The following PDCD5 variants were observed in gnomAD, a reference collection of about 807,000 sequenced individuals.
PDCD5 encodes the protein programmed cell death 5, also known as programmed cell death protein 5.
PDCD5 carries 23 observed loss-of-function variants against 21.9 expected under a neutral mutation model. The observed-to-expected ratio is 1.05, with a 90% CI of 0.76 to 1.49. PDCD5 has a LOEUF of 1.49. Ranked by LOEUF, PDCD5 falls within the 40% of genes most tolerant of loss-of-function variation. The pLI is 0.00. For missense variants in PDCD5, 152 were observed against 147.7 expected (o/e 1.03, Z -0.15); for synonymous variants, 45 against 49.4 (o/e 0.91, Z 0.37).
rs1971483153 is a variant in PDCD5 at position 32,586,929 on chromosome 19, A to T, written c.330A>T (p.Lys110Asn). ...SQQTEKTTTV[K>N]FNRRKVMDSD... ...AAACAGAAAAGACAACAACAGTGAA[A>T]GTAAGTGTCCCCAGATGCTTGTGGC... is the stretch of plus-strand genomic sequence containing the variant. Residue 110 changes from lysine (K) to asparagine (N), a missense_variant and splice_region_variant, in exon 5 of 6, where the codon AAA (lysine) becomes AAT (asparagine). Transcript: ENST00000590247. The T allele has an allele frequency of 6.2e-7, 1 of 1,608,992 alleles. No homozygotes were observed.
At chr19:32,584,731 G>A (rs1261986462) in intron 2 of PDCD5, 1 of 542,314 alleles carries the variant, frequency 1.8e-6, no homozygotes, top group African/African-American at 1.9e-5. Flanking sequence ...TTCCAGCCTG[G>A]TAGGTTGTCA....
rs1298618616 is a variant in PDCD5 at position 32,587,436 on chromosome 19, A to C, written c.*136A>C. 7.2e-6 allele frequency: 4 copies of C among 557,812 alleles called. No individual in the cohort carries two copies. The highest frequency in any genetic ancestry group is 1.2e-5 in the Non-Finnish European group (4 of 326,602). The allele number at this position is 557,812 out of a possible 1,614,324, so 34.6% of individuals were successfully genotyped here. A position where few individuals can be genotyped will look rare whatever the true frequency, so the allele number is the denominator to read the frequency against. The stretch of plus-strand genomic sequence containing the variant: ...TTATGCAAAATAAAACATTTGGGTA[A>C]GTTGTTTTAGTATCATAGCCAAGTG... On this transcript the variant is annotated 3_prime_UTR_variant, in exon 6 of 6. Transcript: ENST00000590247.
intron 3 of PDCD5, 80 bp downstream of exon 3, chr19:32,585,091 C>A: frequency 2.0e-6 from 2 of 989,898 alleles, no homozygotes; most frequent in Non-Finnish European, 3.3e-6. Flanking sequence ...ATTGCTATCA[C>A]TAGATGAAAT....
chr19:32,582,167 C>G, intron 1 of PDCD5, 28 bp from the exon 2 acceptor site: 1 of 1,580,750 alleles, frequency 6.3e-7, no homozygotes, highest in Middle Eastern at 1.7e-4. Flanking sequence ...TGAAATTTCT[C>G]TATTAAATTT....
At chr19:32,583,727 C>T (rs575515935) in intron 2 of PDCD5, among the ~76,000 whole-genome samples, 3 of 151,892 alleles carry the variant, frequency 2.0e-5, no homozygotes, top group African/African-American at 7.3e-5. Context: ...CTCAGGAGGC[C>T]GAGGGGGAAG....
chr19:32,582,669 TTACCC>T (rs1244989480), intron 2 of PDCD5, among the ~76,000 whole-genome samples: 3 of 152,180 alleles, frequency 2.0e-5, no homozygotes, highest in Non-Finnish European at 4.4e-5. Context: ...GAGTATGTGA[TTACCC>T]TATCATGCTA....
At chr19:32,582,136 C>A in intron 1 of PDCD5, 59 bp from the exon 2 acceptor site, 2 of 1,217,394 alleles carry the variant, frequency 1.6e-6, no homozygotes, top group South Asian at 1.2e-5. Flanking sequence ...CAGAACCGTT[C>A]CTTTTTCCCG....
rs760538451 is a variant in PDCD5 at position 32,582,158 on chromosome 19, G to A, written c.67-37G>A. ...GTTCCTTTTTCCCGCCGCCTCCCGT[G>A]AAATTTCTCTATTAAATTTAAGTTT... On this transcript the variant is annotated intron_variant, in intron 1 of 5. Coordinates refer to ENST00000590247, the MANE Select transcript of PDCD5 (RefSeq NM_004708.4). 3 of 1,551,528 alleles carry A rather than the reference G, an allele frequency of 1.9e-6. No homozygotes were observed. In the African/African-American group the frequency reaches 4.1e-5, roughly 21 times the overall value.
chr19:32,581,797 C>G, intron 1 of PDCD5: 1 of 239,652 alleles, frequency 4.2e-6, no homozygotes. Flanking sequence ...GCCTGGGAAG[C>G]TTGGATGGAT....
Position 32,587,264 on chromosome 19 carries a change from A to G in PDCD5, c.342A>G (p.Arg114=). 2 of 1,605,956 alleles carry G rather than the reference A, an allele frequency of 1.2e-6. No individual in the cohort carries two copies. Among genetic ancestry groups the G allele is most frequent in the South Asian group, 1.1e-5 (1 of 90,728 alleles). The change falls in exon 6 of 6, where the codon AGA becomes AGG. Residue 114 remains arginine (R), a synonymous_variant. Coordinates refer to ENST00000590247, the MANE Select transcript of PDCD5 (RefSeq NM_004708.4). The part of the protein sequence containing the change: ...EKTTTVKFNR[R]KVMDSDEDDD... The stretch of plus-strand genomic sequence containing the variant: ...AATTTTCCTCCCAGTTCAACAGAAG[A>G]AAAGTAATGGACTCTGATGAAGATG...
chr19:32,583,491 C>T (rs1449839775), intron 2 of PDCD5, among the ~76,000 whole-genome samples: 1 of 151,418 alleles, frequency 6.6e-6, no homozygotes, highest in Non-Finnish European at 1.5e-5. Flanking sequence ...CTATATCACC[C>T]AGGCTGGTCT....
In PDCD5 at chr19:32,581,245, A is replaced by T. The variant is rs1447736305; in HGVS notation, c.-17A>T. On this transcript the variant is annotated 5_prime_UTR_variant, in exon 1 of 6. Transcript: ENST00000590247. ...CTGCGAGAGTGACCGCGGCTGCTCC[A>T]GCGCTGACGCCGAGCCATGGCGGAC... 2 of 1,499,404 alleles carry T rather than the reference A, an allele frequency of 1.3e-6. No homozygotes were observed. Among genetic ancestry groups the T allele is most frequent in the South Asian group, 1.3e-5 (1 of 79,418 alleles). The allele number at this position is 1,499,404 out of a possible 1,614,324, so 92.9% of individuals were successfully genotyped here.
intron 2 of PDCD5, among the ~76,000 whole-genome samples, chr19:32,583,135 A>G (rs1971444782): frequency 6.6e-6 from 1 of 152,120 alleles, no homozygotes. Flanking sequence ...GAGACCATTG[A>G]AAGTTAAATT....
At chr19:32,586,122 G>A in intron 4 of PDCD5, 2 of 1,511,152 alleles carry the variant, frequency 1.3e-6, no homozygotes, top group Non-Finnish European at 1.8e-6. Context: ...CTGGAACCTT[G>A]TTGGTGTCTG....
At chr19:32,585,793 G>A (rs758997471) in intron 3 of PDCD5, 23 bp from the exon 4 acceptor site, 1 of 1,319,264 alleles carries the variant, frequency 7.6e-7, no homozygotes. Flanking sequence ...TGGATTTTTT[G>A]CATATGTATT....
chr19:32,586,587 G>T, intron 4 of PDCD5: 1 of 1,189,822 alleles, frequency 8.4e-7, no homozygotes, highest in South Asian at 2.6e-5. Context: ...GATGATAAAG[G>T]TGTTCTTAAA....
rs773298790 is a variant in PDCD5, at chr19:32,585,042, T to G, written c.166+31T>G. The G allele has an allele frequency of 9.7e-5, 146 of 1,507,302 alleles. No homozygotes were observed. In the Admixed American group the frequency reaches 2.4e-3, roughly 25 times the overall value. The allele number at this position is 1,507,302 out of a possible 1,614,324, so 93.4% of individuals were successfully genotyped here. A position where few individuals can be genotyped will look rare whatever the true frequency, so the allele number is the denominator to read the frequency against. On this transcript the variant is annotated intron_variant, in intron 3 of 5. Transcript: ENST00000590247. ...CATCTTTGATTTCATTTCCATAAAGTTAGCTTGAGTTAGTTGAATGGGGTG... is the reference window on the plus strand; with the variant it reads ...CATCTTTGATTTCATTTCCATAAAGGTAGCTTGAGTTAGTTGAATGGGGTG...
intron 5 of PDCD5, 24 bp downstream of exon 5, chr19:32,586,953 G>A (rs753308022): frequency 1.3e-6 from 2 of 1,554,740 alleles, no homozygotes; most frequent in East Asian, 2.2e-5. Context: ...GATGCTTGTG[G>A]CAAATGAAAA....
In PDCD5 at chr19:32,582,175, TTTAAG is replaced by T. The variant is rs771737633; in HGVS notation, c.67-17_67-13del. The T allele has an allele frequency of 4.4e-6, 7 of 1,600,826 alleles. No homozygotes were observed. Among genetic ancestry groups the T allele is most frequent in the Admixed American group, 1.7e-5 (1 of 59,546 alleles). On this transcript the variant is annotated splice_polypyrimidine_tract_variant and intron_variant, in intron 1 of 5. Transcript: ENST00000590247. ...CCTCCCGTGAAATTTCTCTATTAAA[TTTAAG>T]TTTTTTTTTTCCAGGATCCTGGTGA...
Sources: allele counts gnomAD v4.1 joint callset (sites outside exome capture counted in the v4.1 genomes callset), GRCh38; gene constraint gnomAD v4.1.1; transcripts MANE v1.5; gene names NCBI Gene and HGNC (gene_info 2026-07-23, HGNC 2026-07-21).